The following SRBD1 variants were observed in gnomAD, a reference collection of about 807,000 sequenced individuals.
The protein encoded by SRBD1 is S1 RNA binding domain 1, also known as S1 RNA-binding domain-containing protein 1.
Under a neutral mutation model 115.3 loss-of-function variants are expected in SRBD1, and 88 were observed. The ratio of observed to expected loss-of-function variants is 0.76; its 90% CI spans 0.64 to 0.91. SRBD1 has a LOEUF of 0.91. Among genes scored for constraint, SRBD1 ranks in the 40% least tolerant of loss-of-function variants. The pLI is 0.00. For synonymous variants in SRBD1, 509 were observed against 407.7 expected, an observed-to-expected ratio of 1.25 and a Z score of -2.99; for missense variants, 1,385 against 1,177.4, an observed-to-expected ratio of 1.18 and a Z score of -2.58.
intron 18 of SRBD1, among the ~76,000 whole-genome samples, chr2:45,417,644 T>G (rs1488637764): frequency 6.6e-6 from 1 of 152,248 alleles, no homozygotes; most frequent in Non-Finnish European, 1.5e-5. Flanking sequence ...GATTATATCA[T>G]GCTAAGAAGT....
chr2:45,448,676 G>C (rs1668901540), intron 16 of SRBD1, among the ~76,000 whole-genome samples: 1 of 152,168 alleles, frequency 6.6e-6, no homozygotes. Flanking sequence ...GAATAGACCT[G>C]CAGATAACTA....
At chr2:45,419,289 C>G (rs1015871089) in intron 17 of SRBD1, among the ~76,000 whole-genome samples, 1 of 152,130 alleles carries the variant, frequency 6.6e-6, no homozygotes, top group African/African-American at 2.4e-5. Flanking sequence ...AAAAGCAGCT[C>G]TTCTAAAACC....
At chr2:45,491,837 T>G (rs1670301804) in intron 14 of SRBD1, among the ~76,000 whole-genome samples, 1 of 152,204 alleles carries the variant, frequency 6.6e-6, no homozygotes, top group Non-Finnish European at 1.5e-5. Context: ...AATTTATTTT[T>G]TTGAGACAGA....
At chr2:45,590,139 A>C (rs1017321416) in intron 4 of SRBD1, among the ~76,000 whole-genome samples, 10 of 152,384 alleles carry the variant, frequency 6.6e-5, no homozygotes, top group South Asian at 2.1e-4. Context: ...AGTAATGCTG[A>C]AATATATAAA....
intron 14 of SRBD1, among the ~76,000 whole-genome samples, chr2:45,537,384 T>C (rs1284559843): frequency 6.6e-6 from 1 of 152,214 alleles, no homozygotes; most frequent in African/African-American, 2.4e-5. Context: ...ACTCTTATCT[T>C]TTTGTCTGTC....
chr2:45,588,254 A>G (rs2104209393), intron 4 of SRBD1, among the ~76,000 whole-genome samples: 1 of 152,322 alleles, frequency 6.6e-6, no homozygotes, highest in East Asian at 1.9e-4. Context: ...ACCATGACCC[A>G]AAAGAAAGCA....
At chr2:45,428,547 G>A (rs981253239) in intron 16 of SRBD1, among the ~76,000 whole-genome samples, 8 of 148,584 alleles carry the variant, frequency 5.4e-5, no homozygotes, top group South Asian at 2.1e-4. Flanking sequence ...ACGAGACTCC[G>A]TCTCAAAAAA....
chr2:45,595,257 T>C (rs551835527), intron 4 of SRBD1, among the ~76,000 whole-genome samples: 35 of 152,250 alleles, frequency 2.3e-4, no homozygotes, highest in African/African-American at 7.9e-4. Flanking sequence ...AGTTGAGAAA[T>C]ACACCTTGAA....
In SRBD1 at chr2:45,581,755, T is replaced by C; in HGVS notation, c.871A>G (p.Met291Val). 1.9e-6 allele frequency: 3 copies of C among 1,613,630 alleles called. No homozygotes were observed. Among genetic ancestry groups the C allele is most frequent in the Non-Finnish European group, 2.5e-6 (3 of 1,179,802 alleles). ...ATGGCTTTTAACAAGCACTCAGACATCTTCCCTTCCTTCTTAATTTTCTGG... is the reference window on the plus strand; with the variant it reads ...ATGGCTTTTAACAAGCACTCAGACACCTTCCCTTCCTTCTTAATTTTCTGG... Reference protein sequence around the residue: ...TIQKIKKEGKMSECLLKAMLN... With the variant: ...TIQKIKKEGKVSECLLKAMLN... The change falls in exon 6 of 21, where the codon ATG becomes GTG. Residue 291 changes from methionine (M) to valine (V), a missense_variant. Met to Val is a conservative substitution (Grantham distance 21). Coordinates refer to ENST00000263736, the MANE Select transcript of SRBD1 (RefSeq NM_018079.5).
At chr2:45,498,959 G>C (rs1437678285) in intron 14 of SRBD1, among the ~76,000 whole-genome samples, 1 of 152,154 alleles carries the variant, frequency 6.6e-6, no homozygotes, top group Non-Finnish European at 1.5e-5. Flanking sequence ...ATAAACATGG[G>C]AGTACGATAC....
intron 19 of SRBD1, among the ~76,000 whole-genome samples, chr2:45,403,331 C>T (rs201478994): frequency 1.3e-5 from 2 of 149,828 alleles, no homozygotes. Context: ...TTAGATTATA[C>T]AAAAAAAAAA....
intron 7 of SRBD1, among the ~76,000 whole-genome samples, chr2:45,578,849 T>G (rs1673257936): frequency 6.6e-6 from 1 of 152,200 alleles, no homozygotes; most frequent in Non-Finnish European, 1.5e-5. Context: ...TTAGGTGCTC[T>G]TAACACAAAA....
intron 16 of SRBD1, among the ~76,000 whole-genome samples, chr2:45,430,546 G>A (rs980575042): frequency 6.6e-6 from 1 of 152,170 alleles, no homozygotes; most frequent in Non-Finnish European, 1.5e-5. Flanking sequence ...AATGGGGAAA[G>A]GATTTCCTAT....
intron 4 of SRBD1, among the ~76,000 whole-genome samples, chr2:45,596,686 T>A (rs997852219): frequency 2.0e-5 from 3 of 152,144 alleles, no homozygotes; most frequent in Non-Finnish European, 4.4e-5. Context: ...AAGTGCCTAG[T>A]ACAGAGCCGA....
chr2:45,390,103 T>A (rs1329395746), intron 20 of SRBD1, among the ~76,000 whole-genome samples: 4 of 152,206 alleles, frequency 2.6e-5, no homozygotes, highest in African/African-American at 4.8e-5. Context: ...CCTCACTTCT[T>A]CCCACAAATT....
chr2:45,435,570 A>C lies in SRBD1; in HGVS notation c.2050-15676T>G, dbSNP rs1359793525. Among the ~76,000 whole-genome samples, 7 of 68,550 alleles carry C rather than the reference A, an allele frequency of 1.0e-4. No homozygotes were observed. In the South Asian group the frequency reaches 1.3e-3, roughly 13 times the overall value. 45.0% of individuals were successfully genotyped at this position (68,550 alleles called of 152,430 possible). A position where few individuals can be genotyped will look rare whatever the true frequency, so the allele number is the denominator to read the frequency against. ...AACACAAGGCCAGGGGAAAAAAAAAAAACAAAAAAAAAAAACAGCTGCCTG... is the reference window on the plus strand; with the variant it reads ...AACACAAGGCCAGGGGAAAAAAAAACAACAAAAAAAAAAAACAGCTGCCTG... On this transcript the variant is annotated intron_variant, in intron 16 of 20. Transcript: ENST00000263736.
At chr2:45,504,609 T>G (rs1434133422) in intron 14 of SRBD1, among the ~76,000 whole-genome samples, 1 of 152,208 alleles carries the variant, frequency 6.6e-6, no homozygotes. Flanking sequence ...AGCCTTCCTT[T>G]TTCACCAATT....
intron 16 of SRBD1, among the ~76,000 whole-genome samples, chr2:45,455,603 A>T (rs1669127475): frequency 6.6e-6 from 1 of 151,882 alleles, no homozygotes; most frequent in South Asian, 2.1e-4. Flanking sequence ...AACCCTCTGA[A>T]GCATAGGGAA....
At chr2:45,516,731 T>C (rs1671130225) in intron 14 of SRBD1, among the ~76,000 whole-genome samples, 1 of 152,198 alleles carries the variant, frequency 6.6e-6, no homozygotes, top group Admixed American at 6.6e-5. Context: ...CAAAAAAGTA[T>C]TGCTTTTTAA....
Sources: gnomAD v4.1 joint callset for allele counts (sites outside exome capture counted in the v4.1 genomes callset) on GRCh38, gnomAD v4.1.1 for gene constraint, MANE v1.5 for transcripts, NCBI Gene and HGNC (gene_info 2026-07-23, HGNC 2026-07-21) for gene names.